The following GRIK4 variants were observed in gnomAD, a reference collection of about 807,000 sequenced individuals.
The protein encoded by GRIK4 is glutamate ionotropic receptor kainate type subunit 4, also known as glutamate receptor ionotropic, kainate 4.
A neutral mutation model predicts 104.9 loss-of-function variants in GRIK4; 40 were observed. The observed-to-expected ratio is 0.38, with a 90% CI of 0.30 to 0.50. The LOEUF is 0.50. Ranked by LOEUF, GRIK4 falls within the 20% of genes least tolerant of loss-of-function variation. The pLI, the probability that GRIK4 is intolerant of heterozygous loss-of-function variation, is 0.93. For missense variants in GRIK4, 1,047 were observed against 1,308.1 expected, an observed-to-expected ratio of 0.80 and a Z score of 3.08; for synonymous variants, 485 against 524.9, an observed-to-expected ratio of 0.92 and a Z score of 1.04.
chr11:120,811,861 GGAAGGTGTT>G (rs768265928), intron 4 of GRIK4, among the ~76,000 whole-genome samples: 31 of 152,274 alleles, frequency 2.0e-4, no homozygotes, highest in Non-Finnish European at 1.0e-4. Flanking sequence ...AGTTTTGCAT[GGAAGGTGTT>G]GAGTGGGCCT....
At chr11:120,959,021 G>A (rs1944229354) in intron 16 of GRIK4, among the ~76,000 whole-genome samples, 1 of 152,304 alleles carries the variant, frequency 6.6e-6, no homozygotes, top group East Asian at 1.9e-4. Context: ...GAAGGAGGCA[G>A]CCAGGTGATT....
chr11:120,859,163 T>C (rs914752002), intron 8 of GRIK4: 2 of 151,972 alleles, frequency 1.3e-5, no homozygotes, highest in Admixed American at 6.6e-5. Context: ...GGAATACCTT[T>C]CTAACTTGTG....
chr11:120,525,608 C>G (rs942801023), intron 1 of GRIK4, among the ~76,000 whole-genome samples: 1 of 152,160 alleles, frequency 6.6e-6, no homozygotes, highest in African/African-American at 2.4e-5. Flanking sequence ...CTCATCAGAC[C>G]CACACCAAGG....
At chr11:120,704,122 C>T (rs565846782) in intron 3 of GRIK4, among the ~76,000 whole-genome samples, 29 of 152,324 alleles carry the variant, frequency 1.9e-4, no homozygotes, top group South Asian at 1.9e-3. Flanking sequence ...CTTGTGTTCT[C>T]GTGAGGGTCA....
intron 11 of GRIK4, among the ~76,000 whole-genome samples, chr11:120,876,626 A>G (rs536196236): frequency 1.3e-5 from 2 of 151,988 alleles, no homozygotes; most frequent in East Asian, 3.9e-4. Context: ...ATTAGTCCCA[A>G]TTTTATACTT....
Position 120,962,507 on chromosome 11 carries a change from C to T in GRIK4, c.2092C>T (p.Gln698Ter). Reference protein sequence around the residue: ...QRMWNYMYSKQPSVFVKSTEE... With the variant: ...QRMWNYMYSK ...CATGTGGAATTACATGTATTCCAAG[C>T]AGCCCAGCGTGTTCGTGAAGAGCAC... The change falls in exon 18 of 21, where the codon CAG becomes TAG. Residue 698 changes from glutamine to a stop codon, truncating the protein, a stop_gained. Transcript: ENST00000527524. LOFTEE classifies it high-confidence loss of function. 6.2e-7 allele frequency: 1 copy of T among 1,614,100 alleles called. No homozygotes were observed. Among genetic ancestry groups the T allele is most frequent in the Non-Finnish European group, 8.5e-7 (1 of 1,179,958 alleles).
chr11:120,820,576 C>T (rs4936554), intron 6 of GRIK4, among the ~76,000 whole-genome samples: 29,648 of 152,180 alleles, frequency 0.19, 3,662 homozygotes, highest in East Asian at 0.4. Context: ...GTGCTCCCGG[C>T]GGCAGCTGTG....
chr11:120,553,007 G>GA (rs112138794), intron 1 of GRIK4, among the ~76,000 whole-genome samples: 222 of 96,700 alleles, frequency 2.3e-3, no homozygotes, highest in South Asian at 3.1e-3. Context: ...CTCAAAAAAA[G>GA]AAAAAAAAAA....
rs7109138 is a variant in GRIK4, at chr11:120,903,042, T to C, written c.1273-2248T>C. On this transcript the variant is annotated intron_variant, in intron 12 of 20. Coordinates refer to ENST00000527524, the MANE Select transcript of GRIK4 (RefSeq NM_014619.5). The surrounding 1 kb of genome is among the most constrained non-coding windows in gnomAD (Gnocchi z 4.4). ...CCCTCACAGTCCCTCCATGACCTTG[T>C]GTCTGTCTGGCCCTCCATCTTCCCC... 1.3e-5 allele frequency among the ~76,000 whole-genome samples: 2 copies of C among 152,044 alleles called. No homozygotes were observed. Among genetic ancestry groups the C allele is most frequent in the Non-Finnish European group, 2.9e-5 (2 of 68,028 alleles).
intron 1 of GRIK4, among the ~76,000 whole-genome samples, chr11:120,584,125 G>A (rs1948625353): frequency 6.6e-6 from 1 of 152,110 alleles, no homozygotes; most frequent in African/African-American, 2.4e-5. Context: ...GAGACTGTGG[G>A]GATCCTTTCT....
chr11:120,805,076 G>A (rs2135516433), intron 4 of GRIK4, among the ~76,000 whole-genome samples: 1 of 152,296 alleles, frequency 6.6e-6, no homozygotes, highest in Non-Finnish European at 1.5e-5. Context: ...GGATTCAGCA[G>A]GGCACAGACA....
chr11:120,552,165 C>G (rs940668352), intron 1 of GRIK4, among the ~76,000 whole-genome samples: 3 of 152,176 alleles, frequency 2.0e-5, no homozygotes, highest in Admixed American at 6.5e-5. Flanking sequence ...CAACTGGTGT[C>G]TGGCTGTGGA....
rs759299747 is a variant in GRIK4 at position 120,905,234 on chromosome 11, C to T, written c.1273-56C>T. 44 of 1,309,876 alleles carry T rather than the reference C, an allele frequency of 3.4e-5. No homozygotes were observed. Among genetic ancestry groups the T allele is most frequent in the Admixed American group, 1.0e-4 (6 of 59,658 alleles). The allele number at this position is 1,309,876 out of a possible 1,614,324, so 81.1% of individuals were successfully genotyped here. On this transcript the variant is annotated intron_variant, in intron 12 of 20. Transcript: ENST00000527524. The surrounding 1 kb of genome is among the most constrained non-coding windows in gnomAD (Gnocchi z 5.1). ...TGTGCCCCTGGCCCTCCCCATCACA[C>T]GCGGGTGAGACACCAGGGCTAAGAT...
rs150385581 is a variant in GRIK4 at position 120,905,525 on chromosome 11, G to T, written c.1476+32G>T. ...AGAGGACAAGTGATCTGGGCCTGAG[G>T]GTGGGCTGGGAGGGATTGGAAGAGC... On this transcript the variant is annotated intron_variant, in intron 13 of 20. Transcript: ENST00000527524. The surrounding 1 kb of genome is among the most constrained non-coding windows in gnomAD (Gnocchi z 5.1). 7.5e-4 allele frequency: 916 copies of T among 1,221,432 alleles called. 17 individuals carry two copies. In the African/African-American group the frequency reaches 0.012, roughly 15 times the overall value. The allele number at this position is 1,221,432 out of a possible 1,614,324, so 75.7% of individuals were successfully genotyped here.
At chr11:120,596,542 G>A (rs1269390085) in intron 1 of GRIK4, among the ~76,000 whole-genome samples, 1 of 152,144 alleles carries the variant, frequency 6.6e-6, no homozygotes, top group East Asian at 1.9e-4. Context: ...CTGTGTCTAG[G>A]TGTGTATGTC....
chr11:120,705,252 A>G lies in GRIK4; in HGVS notation c.82+44852A>G, dbSNP rs1480537035. Reference sequence around the variant, plus strand: ...CTTTTCTTTTTTTTTTTTTTTTGAGATGGAGTTTCACTGTTGTCTTGCAGG... The same window carrying G: ...CTTTTCTTTTTTTTTTTTTTTTGAGGTGGAGTTTCACTGTTGTCTTGCAGG... On this transcript the variant is annotated intron_variant, in intron 3 of 20. Coordinates refer to ENST00000527524, the MANE Select transcript of GRIK4 (RefSeq NM_014619.5). Among the ~76,000 whole-genome samples the G allele has an allele frequency of 1.1e-4, 15 of 138,510 alleles. No individual in the cohort carries two copies. In the Admixed American group the frequency reaches 1.1e-3, roughly 10 times the overall value. The allele number at this position is 138,510 out of a possible 152,430, so 90.9% of individuals were successfully genotyped here. A position where few individuals can be genotyped will look rare whatever the true frequency, so the allele number is the denominator to read the frequency against.
intron 3 of GRIK4, among the ~76,000 whole-genome samples, chr11:120,770,477 T>C (rs1283557461): frequency 6.6e-6 from 1 of 152,242 alleles, no homozygotes; most frequent in Non-Finnish European, 1.5e-5. Flanking sequence ...CTGACCTTGC[T>C]CCATCCTTTA....
chr11:120,679,170 A>G (rs925602786), intron 3 of GRIK4, among the ~76,000 whole-genome samples: 1 of 152,056 alleles, frequency 6.6e-6, no homozygotes, highest in East Asian at 1.9e-4. Context: ...TAATCCTACC[A>G]CCACCTCCAT....
chr11:120,820,573 C>T (rs564308112), intron 6 of GRIK4, among the ~76,000 whole-genome samples: 56 of 152,318 alleles, frequency 3.7e-4, no homozygotes, highest in Non-Finnish European at 6.9e-4. Flanking sequence ...TGTGTGCTCC[C>T]GGCGGCAGCT....
Sources: gnomAD v4.1 joint callset for allele counts (sites outside exome capture counted in the v4.1 genomes callset) on GRCh38, gnomAD v4.1.1 for gene constraint, Gnocchi (gnomAD v3.1) non-coding constraint, MANE v1.5 for transcripts, NCBI Gene and HGNC (gene_info 2026-07-23, HGNC 2026-07-21) for gene names.